HOOK3: variants seen among roughly 807,000 people sequenced by gnomAD.
HOOK3 encodes the protein protein Hook homolog 3.
In HOOK3, 24 loss-of-function variants were observed where a neutral mutation model predicts 116.3. That is an observed-to-expected ratio of 0.21 (90% CI 0.15 to 0.29). HOOK3 has a LOEUF of 0.29. Among genes scored for constraint, HOOK3 ranks in the 10% least tolerant of loss-of-function variants. The probability of loss-of-function intolerance (pLI) is 1.00; values close to 1 mark genes in which losing one functional copy is unlikely to be tolerated. For missense variants in HOOK3, 632 were observed against 830.2 expected (o/e 0.76, Z 2.93); for synonymous variants, 275 against 283.0 (o/e 0.97, Z 0.28).
chr8:42,900,820 T>G (rs946898592), intron 1 of HOOK3, among the ~76,000 whole-genome samples: 3 of 152,252 alleles, frequency 2.0e-5, no homozygotes, highest in Non-Finnish European at 4.4e-5. Context: ...CCAGAGATTC[T>G]CATGCTTTAG....
chr8:42,969,010 A>C (rs577648638), intron 11 of HOOK3, among the ~76,000 whole-genome samples: 1 of 152,182 alleles, frequency 6.6e-6, no homozygotes, highest in African/African-American at 2.4e-5. Flanking sequence ...CTTGTTTATC[A>C]TGATAGGTAT....
chr8:42,926,740 TTTA>T (rs1434276004), intron 3 of HOOK3, among the ~76,000 whole-genome samples: 3 of 152,340 alleles, frequency 2.0e-5, no homozygotes, highest in African/African-American at 7.2e-5. Context: ...CAGTCCATAT[TTTA>T]TTCAAATTTC....
intron 5 of HOOK3, among the ~76,000 whole-genome samples, chr8:42,944,676 G>A (rs184507180): frequency 1.4e-3 from 209 of 151,920 alleles, no homozygotes; most frequent in African/African-American, 4.3e-3. Flanking sequence ...AAAATTAGCC[G>A]GGCGCGGTGG....
At chr8:42,957,205 A>G in intron 7 of HOOK3, 49 bp downstream of exon 7, 1 of 1,164,624 alleles carries the variant, frequency 8.6e-7, no homozygotes, top group Non-Finnish European at 1.3e-6. Flanking sequence ...GAAAAGGATA[A>G]GCATCAGATG....
intron 8 of HOOK3, among the ~76,000 whole-genome samples, chr8:42,960,108 TAC>T (rs1464876662): frequency 1.3e-5 from 2 of 152,238 alleles, no homozygotes; most frequent in African/African-American, 4.8e-5. Flanking sequence ...CTAAGAGTTA[TAC>T]TAATAAGATT....
At chr8:42,934,509 A>G (rs568953526) in intron 4 of HOOK3, among the ~76,000 whole-genome samples, 1 of 152,146 alleles carries the variant, frequency 6.6e-6, no homozygotes, top group African/African-American at 2.4e-5. Context: ...CATCATCTAT[A>G]TTAGGTATTT....
At position 43,024,916 on chromosome 8, in the gene HOOK3, T is replaced by C. The variant is rs1809904539; in HGVS notation, c.*6418T>C. On this transcript the variant is annotated 3_prime_UTR_variant, in exon 22 of 22. Coordinates refer to ENST00000307602, the MANE Select transcript of HOOK3 (RefSeq NM_032410.4). ...TGGGGTGGCATCCATCTCTTTTAAA[T>C]CACTGATGATTTTCTGGGGAAGTAT... 9.6e-6 allele frequency: 2 copies of C among 208,134 alleles called. No individual in the cohort carries two copies. Among genetic ancestry groups the C allele is most frequent in the African/African-American group, 4.5e-5 (2 of 43,958 alleles). The allele number at this position is 208,134 out of a possible 1,614,324, so 12.9% of individuals were successfully genotyped here.
intron 8 of HOOK3, among the ~76,000 whole-genome samples, chr8:42,960,688 T>G (rs945647440): frequency 1.3e-5 from 2 of 152,124 alleles, no homozygotes; most frequent in African/African-American, 4.8e-5. Context: ...TCATCCAACC[T>G]CAGCTCAAAA....
chr8:43,009,410 GAA>G (rs1175165680), intron 18 of HOOK3, among the ~76,000 whole-genome samples: 1 of 151,650 alleles, frequency 6.6e-6, no homozygotes, highest in East Asian at 1.9e-4. Flanking sequence ...AAGAAAGAAA[GAA>G]ATAGGCTCTA....
intron 6 of HOOK3, among the ~76,000 whole-genome samples, chr8:42,954,825 G>A (rs1808405395): frequency 6.6e-6 from 1 of 152,186 alleles, no homozygotes; most frequent in Non-Finnish European, 1.5e-5. Context: ...GAGAAGAAGA[G>A]CCCTTGTGTT....
At chr8:42,944,084 G>GT (rs1808179198) in intron 5 of HOOK3, among the ~76,000 whole-genome samples, 1 of 152,056 alleles carries the variant, frequency 6.6e-6, no homozygotes, top group Non-Finnish European at 1.5e-5. Flanking sequence ...TATCAAAATT[G>GT]TTTCATTTAT....
intron 1 of HOOK3, among the ~76,000 whole-genome samples, chr8:42,901,568 G>C (rs560755684): frequency 2.0e-5 from 3 of 152,028 alleles, no homozygotes; most frequent in African/African-American, 7.3e-5. Context: ...GTTTCACTTT[G>C]GTCTTGCAGC....
At chr8:42,907,845 A>ACT (rs1807344123) in intron 2 of HOOK3, among the ~76,000 whole-genome samples, 1 of 151,286 alleles carries the variant, frequency 6.6e-6, no homozygotes, top group Non-Finnish European at 1.5e-5. Flanking sequence ...AAAAACAGTA[A>ACT]AAGGTGTCTA....
intron 19 of HOOK3, 78 bp from the exon 20 acceptor site, chr8:43,012,973 A>G: frequency 1.1e-6 from 1 of 875,126 alleles, no homozygotes; most frequent in South Asian, 1.7e-5. Flanking sequence ...TATTTTAAAA[A>G]AATAGTCATT....
At position 43,015,894 on chromosome 8, in the gene HOOK3, T is replaced by TTTG. The variant is rs1809705160; in HGVS notation, c.2017-2462_2017-2461insGTT. 3.3e-5 allele frequency among the ~76,000 whole-genome samples: 5 copies of TTTG among 149,684 alleles called. No homozygotes were observed. The East Asian group carries it at 6.1e-4, about 18-fold the overall frequency. ...CACCACGCCTGGCTAATTTTTGTAT[T>TTTG]TTTAGTAGAGACAGGGTTTCACCAT... On this transcript the variant is annotated intron_variant, in intron 21 of 21. Transcript: ENST00000307602.
At chr8:42,906,023 G>GT (rs1586584493) in intron 1 of HOOK3, 150 bp from the exon 2 acceptor site, 1 of 645,006 alleles carries the variant, frequency 1.6e-6, no homozygotes, top group East Asian at 2.9e-5. Context: ...GGAGGTGGAG[G>GT]TTGCAGTGAG....
At chr8:42,943,273 T>TGACCA in intron 4 of HOOK3, 40 bp from the exon 5 acceptor site, 2 of 1,245,496 alleles carry the variant, frequency 1.6e-6, no homozygotes. Context: ...TTTGGTCATA[T>TGACCA]AAATGTAAAT....
chr8:43,004,298 C>T (rs1477754799), intron 17 of HOOK3, among the ~76,000 whole-genome samples: 1 of 145,640 alleles, frequency 6.9e-6, no homozygotes, highest in African/African-American at 2.6e-5. Flanking sequence ...ACCCAGAAAC[C>T]AGAGGTTGCA....
At position 42,974,702 on chromosome 8, in the gene HOOK3, T is replaced by G. The variant is rs541958177; in HGVS notation, c.1321+508T>G. ...TTGGTCCAGATGGTGGTCCGAACCC[T>G]TAGTCACTGAGCCAATTTCCAAATT... On this transcript the variant is annotated intron_variant, in intron 13 of 21. Transcript: ENST00000307602. Among the ~76,000 whole-genome samples the G allele has an allele frequency of 6.4e-4, 98 of 152,344 alleles. 2 individuals carry two copies. In the East Asian group the frequency reaches 0.017, roughly 27 times the overall value.
Sources: gnomAD v4.1 joint callset for allele counts (sites outside exome capture counted in the v4.1 genomes callset) on GRCh38, gnomAD v4.1.1 for gene constraint, MANE v1.5 for transcripts, NCBI Gene and HGNC (gene_info 2026-07-23, HGNC 2026-07-21) for gene names.